Variants in ADGRL3 observed in about 807,000 individuals in gnomAD.
ADGRL3 encodes the protein calcium-independent alpha-latrotoxin receptor 3.
Under a neutral mutation model 153.5 loss-of-function variants are expected in ADGRL3, and 62 were observed. The observed-to-expected ratio is 0.40, with a 90% CI of 0.33 to 0.50. ADGRL3 has a LOEUF of 0.50. Ranked by LOEUF, ADGRL3 falls within the 20% of genes least tolerant of loss-of-function variation. ADGRL3 has a pLI of 0.47. For missense variants in ADGRL3, 1,641 were observed against 1,859.4 expected (o/e 0.88, Z 2.16); for synonymous variants, 710 against 672.5 (o/e 1.06, Z -0.86).
intron 5 of ADGRL3, among the ~76,000 whole-genome samples, chr4:61,666,546 A>AAG (rs940889773): frequency 2.6e-5 from 4 of 151,486 alleles, no homozygotes; most frequent in African/African-American, 4.8e-5. Context: ...CCCAGATGAA[A>AAG]AAAAAAAAAG....
intron 3 of ADGRL3, among the ~76,000 whole-genome samples, chr4:61,500,064 A>AGAGAGAGAGAGAGAGAGAGAGAG (rs58067932): frequency 6.8e-6 from 1 of 147,168 alleles, no homozygotes; most frequent in Non-Finnish European, 1.5e-5. Flanking sequence ...AGAGAGAGAG[A>AGAGAGAGAGAGAGAGAGAGAGAG]ATATCTCCAA....
At chr4:61,429,842 A>T (rs866660339) in intron 2 of ADGRL3, among the ~76,000 whole-genome samples, 2 of 152,126 alleles carry the variant, frequency 1.3e-5, no homozygotes, top group African/African-American at 4.8e-5. Context: ...TTCCTTGGTG[A>T]GTGCTTTACT....
At chr4:61,538,858 G>A (rs532888553) in intron 4 of ADGRL3, among the ~76,000 whole-genome samples, 1 of 152,300 alleles carries the variant, frequency 6.6e-6, no homozygotes, top group East Asian at 1.9e-4. Context: ...GGTGGCTGGG[G>A]AAGATTGCGT....
intron 9 of ADGRL3, among the ~76,000 whole-genome samples, chr4:61,820,899 C>T (rs917336803): frequency 5.3e-5 from 8 of 152,074 alleles, no homozygotes; most frequent in Non-Finnish European, 4.4e-5. Context: ...ACCCTAGAAT[C>T]AAATCTTAAT....
At chr4:61,265,742 G>C (rs1460822694) in intron 1 of ADGRL3, among the ~76,000 whole-genome samples, 1 of 151,768 alleles carries the variant, frequency 6.6e-6, no homozygotes, top group African/African-American at 2.4e-5. Flanking sequence ...TACTGTAGAG[G>C]TTCGTCATTT....
intron 25 of ADGRL3, among the ~76,000 whole-genome samples, chr4:62,052,671 A>G (rs1195458509): frequency 6.6e-6 from 1 of 151,154 alleles, no homozygotes; most frequent in African/African-American, 2.4e-5. Flanking sequence ...TTTTTATTTT[A>G]ATTTAAAATT....
chr4:61,460,345 A>G (rs980797751), intron 2 of ADGRL3, among the ~76,000 whole-genome samples: 2 of 152,252 alleles, frequency 1.3e-5, no homozygotes, highest in East Asian at 3.9e-4. Context: ...CAACGTATAT[A>G]CAGTGGAATA....
chr4:61,267,702 A>C (rs1389515091), intron 1 of ADGRL3, among the ~76,000 whole-genome samples: 1 of 151,694 alleles, frequency 6.6e-6, no homozygotes, highest in Non-Finnish European at 1.5e-5. Context: ...TCTCTCATGT[A>C]CTGGCATACA....
At chr4:61,758,827 C>T (rs1345923529) in intron 8 of ADGRL3, among the ~76,000 whole-genome samples, 1 of 152,182 alleles carries the variant, frequency 6.6e-6, no homozygotes, top group Non-Finnish European at 1.5e-5. Context: ...CCGCTTGTTC[C>T]TTTCCATGTT....
At chr4:61,926,461 C>T (rs1048523274) in intron 13 of ADGRL3, among the ~76,000 whole-genome samples, 8 of 152,104 alleles carry the variant, frequency 5.3e-5, no homozygotes, top group African/African-American at 1.9e-4. Flanking sequence ...AACTAATCAG[C>T]AAATCATTTT....
chr4:61,811,338 G>GT (rs143850144), intron 8 of ADGRL3, among the ~76,000 whole-genome samples: 15,964 of 151,402 alleles, frequency 0.11, 899 homozygotes, highest in Middle Eastern at 0.15. Flanking sequence ...CAATGGATGA[G>GT]TTTTTTTTTA....
At chr4:61,594,322 T>C (rs1476479517) in intron 5 of ADGRL3, among the ~76,000 whole-genome samples, 1 of 152,156 alleles carries the variant, frequency 6.6e-6, no homozygotes, top group Non-Finnish European at 1.5e-5. Context: ...ATTTAGTTCA[T>C]TTGATGAGGT....
intron 2 of ADGRL3, among the ~76,000 whole-genome samples, chr4:61,396,355 T>TA (rs1243126034): frequency 6.6e-6 from 1 of 151,860 alleles, no homozygotes; most frequent in Non-Finnish European, 1.5e-5. Context: ...TTTTTAATTT[T>TA]AAAAAAGAAA....
chr4:61,588,432 A>G (rs2098955608), intron 5 of ADGRL3, among the ~76,000 whole-genome samples: 1 of 151,986 alleles, frequency 6.6e-6, no homozygotes. Flanking sequence ...TGTAATTAAT[A>G]CATTCATAGT....
rs1477401823 is a variant in ADGRL3 at position 62,077,854 on chromosome 4, T to TAA, written c.*6948_*6949dup. 1.3e-5 allele frequency: 2 copies of TAA among 152,024 alleles called. No homozygotes were observed. Among genetic ancestry groups the TAA allele is most frequent in the Non-Finnish European group, 2.9e-5 (2 of 67,912 alleles). The allele number at this position is 152,024 out of a possible 1,614,324, so 9.4% of individuals were successfully genotyped here. A position where few individuals can be genotyped will look rare whatever the true frequency, so the allele number is the denominator to read the frequency against. ...TAGACAATCAGAATGTGTTCATTTA[T>TAA]AAAGTATCACTGGTTTGTATATTTT... On this transcript the variant is annotated 3_prime_UTR_variant, in exon 27 of 27. Coordinates refer to ENST00000683033, the MANE Select transcript of ADGRL3 (RefSeq NM_001387552.1).
intron 6 of ADGRL3, among the ~76,000 whole-genome samples, chr4:61,679,106 G>C (rs761784866): frequency 1.3e-5 from 2 of 152,036 alleles, no homozygotes; most frequent in Non-Finnish European, 2.9e-5. Context: ...TACAAGCATA[G>C]CACCAGCATC....
In ADGRL3 at chr4:61,405,828, G is replaced by A. The variant is rs188155004; in HGVS notation, c.-174+22639G>A. 5.3e-5 allele frequency among the ~76,000 whole-genome samples: 8 copies of A among 151,962 alleles called. No homozygotes were observed. In the East Asian group the frequency reaches 1.5e-3, roughly 29 times the overall value. ...TTAACATTACTCTGCGTAGTGGTCA[G>A]CCACAATCAGAAAAAGAACGCATTT... On this transcript the variant is annotated intron_variant, in intron 2 of 26. Transcript: ENST00000683033.
intron 25 of ADGRL3, among the ~76,000 whole-genome samples, chr4:62,061,835 T>A (rs947929698): frequency 2.6e-5 from 4 of 152,048 alleles, no homozygotes; most frequent in African/African-American, 9.7e-5. Context: ...GGTATGGGAA[T>A]ACTACAGATT....
rs6816091 is a variant in ADGRL3 at position 61,502,941 on chromosome 4, G to C, written c.55+5593G>C. 5.2e-3 allele frequency among the ~76,000 whole-genome samples: 798 copies of C among 152,236 alleles called. 9 individuals are homozygous for C. The highest frequency in any genetic ancestry group is 0.018 in the African/African-American group (743 of 41,552). Reference sequence around the variant, plus strand: ...ACCTAGGTAATTTGTAATATCTGCAGTAATATAACTATGTTTATAGTCAAA... The same window carrying C: ...ACCTAGGTAATTTGTAATATCTGCACTAATATAACTATGTTTATAGTCAAA... On this transcript the variant is annotated intron_variant, in intron 3 of 26. Coordinates refer to ENST00000683033, the MANE Select transcript of ADGRL3 (RefSeq NM_001387552.1).
Sources: allele counts gnomAD v4.1 joint callset (sites outside exome capture counted in the v4.1 genomes callset), GRCh38; gene constraint gnomAD v4.1.1; transcripts MANE v1.5; gene names NCBI Gene and HGNC (gene_info 2026-07-23, HGNC 2026-07-21).